The following FGF17 variants were observed in gnomAD, a reference collection of about 807,000 sequenced individuals.
FGF17 encodes the protein fibroblast growth factor 17.
FGF17 carries 5 observed loss-of-function variants against 23.5 expected under a neutral mutation model. The observed-to-expected ratio is 0.21, with a 90% CI of 0.11 to 0.45. The LOEUF is 0.45. FGF17 is among the 20% of genes least tolerant of loss of function. The probability of loss-of-function intolerance (pLI) is 0.99; values close to 1 mark genes in which losing one functional copy is unlikely to be tolerated. For synonymous variants in FGF17, 136 were observed against 123.0 expected (o/e 1.11, Z -0.70); for missense variants, 221 against 306.9 (o/e 0.72, Z 2.09).
intron 2 of FGF17, chr8:22,044,588 G>A: frequency 4.3e-6 from 3 of 696,704 alleles, no homozygotes; most frequent in Non-Finnish European, 5.3e-6. Context: ...GGGCCAGGAG[G>A]CGGGGCTGGG....
chr8:22,048,640 A>C lies in FGF17; in HGVS notation c.*391A>C. On this transcript the variant is annotated 3_prime_UTR_variant, in exon 5 of 5. Coordinates refer to ENST00000359441, the MANE Select transcript of FGF17 (RefSeq NM_003867.4). The surrounding 1 kb of genome is among the most constrained non-coding windows in gnomAD (Gnocchi z 6.9). ...CCCTCAGTCTGCCCCCAGCCCCCAA[A>C]CTCCTCCTGGCTAGACTGTAGGAAG... 4.2e-6 allele frequency: 1 copy of C among 237,754 alleles called. No homozygotes were observed. The highest frequency in any genetic ancestry group is 8.1e-6 in the Non-Finnish European group (1 of 123,462). 14.7% of individuals were successfully genotyped at this position (237,754 alleles called of 1,614,324 possible). A position where few individuals can be genotyped will look rare whatever the true frequency, so the allele number is the denominator to read the frequency against.
chr8:22,041,574 A>G (rs758340630), upstream of FGF17, among the ~76,000 whole-genome samples: 27 of 152,106 alleles, frequency 1.8e-4, no homozygotes, highest in Admixed American at 8.5e-4. Flanking sequence ...AGGGAACAGC[A>G]TGGAGCTCTC....
chr8:22,045,814 A>C, intron 2 of FGF17: 3 of 1,320,982 alleles, frequency 2.3e-6, no homozygotes, highest in Non-Finnish European at 2.9e-6. Context: ...CGAGGACGGG[A>C]TAGAACCCTG....
At chr8:22,043,880 G>A (rs917881100) in intron 2 of FGF17, among the ~76,000 whole-genome samples, 1 of 152,132 alleles carries the variant, frequency 6.6e-6, no homozygotes, top group Non-Finnish European at 1.5e-5. Flanking sequence ...AACCGCTCTG[G>A]GGAGAGATCG....
At chr8:22,044,590 G>A (rs577266458) in intron 2 of FGF17, 248 of 725,182 alleles carry the variant, frequency 3.4e-4, no homozygotes, top group Non-Finnish European at 3.9e-4. Context: ...GCCAGGAGGC[G>A]GGGCTGGGAT....
intron 2 of FGF17, among the ~76,000 whole-genome samples, 173 bp downstream of exon 2, chr8:22,043,354 G>C (rs1306467093): frequency 1.3e-5 from 2 of 152,138 alleles, no homozygotes; most frequent in African/African-American, 4.8e-5. Flanking sequence ...GGGCAGGGAA[G>C]GGGGCTGACT....
Position 22,045,508 on chromosome 8 carries a change from C to T in FGF17, c.73-606C>T, listed in dbSNP as rs1192039331. ...GCCGGGAAGAAGATGGGTATGAGCT[C>T]AGGATTCCACAGTTAGTGCTTCAAA... On this transcript the variant is annotated intron_variant, in intron 2 of 4. Coordinates refer to ENST00000359441, the MANE Select transcript of FGF17 (RefSeq NM_003867.4). 5 of 991,794 alleles carry T rather than the reference C, an allele frequency of 5.0e-6. No homozygotes were observed. The East Asian group carries it at 5.6e-4, about 111-fold the overall frequency. The allele number at this position is 991,794 out of a possible 1,614,324, so 61.4% of individuals were successfully genotyped here.
At chr8:22,042,624 GT>G (rs1007345634), upstream of FGF17, 6 of 579,804 alleles carry the variant, frequency 1.0e-5, no homozygotes, top group African/African-American at 7.5e-5. Context: ...CCTGCACTGG[GT>G]GGCCCAGGAG....
rs771965402 is a variant in FGF17, at chr8:22,046,115, G to A, written c.74G>A (p.Gly25Glu). Residue 25 changes from glycine to glutamate, a missense_variant and splice_region_variant, in exon 3 of 5, where the codon GGG becomes GAG. Gly to Glu is a moderately conservative substitution (Grantham distance 98). This residue lies in a region of FGF17 where 35 missense variants were observed against 35.5 expected (regional missense o/e 0.99). Coordinates refer to ENST00000359441, the MANE Select transcript of FGF17 (RefSeq NM_003867.4). The stretch of plus-strand genomic sequence containing the variant: ...ATTTTTCCCTTGGTAACCGCAAAGG[G>A]GGAGAATCACCCGTCTCCTAATTTT... Reference protein sequence around the residue: ...QLLILCCQTQGENHPSPNFNQ... With the variant: ...QLLILCCQTQEENHPSPNFNQ... 1 of 1,614,142 alleles carries A rather than the reference G, an allele frequency of 6.2e-7. No individual in the cohort carries two copies. The highest frequency in any genetic ancestry group is 8.5e-7 in the Non-Finnish European group (1 of 1,180,040).
At chr8:22,045,058 C>T (rs1300898910) in intron 2 of FGF17, 1 of 985,442 alleles carries the variant, frequency 1.0e-6, no homozygotes, top group African/African-American at 1.7e-5. Flanking sequence ...TGCCAGGAGC[C>T]AGGAAACCTA....
chr8:22,043,775 A>T (rs1800789570), intron 2 of FGF17, among the ~76,000 whole-genome samples: 1 of 43,928 alleles, frequency 2.3e-5, no homozygotes, highest in African/African-American at 9.1e-5. Flanking sequence ...CTCCATGCAC[A>T]CCTCCCACCC....
At chr8:22,043,291 C>T in intron 2 of FGF17, 110 bp downstream of exon 2, 2 of 1,119,568 alleles carry the variant, frequency 1.8e-6, no homozygotes, top group East Asian at 2.5e-5. Flanking sequence ...TCTGGCCTCT[C>T]CCTGGGTCCA....
chr8:22,043,346 G>C (rs986957591), intron 2 of FGF17, among the ~76,000 whole-genome samples, 165 bp downstream of exon 2: 4 of 152,146 alleles, frequency 2.6e-5, no homozygotes, highest in Non-Finnish European at 5.9e-5. Context: ...GACCGGGTGG[G>C]CAGGGAAGGG....
At chr8:22,046,488 C>T in intron 3 of FGF17, 39 bp from the exon 4 acceptor site, 1 of 1,550,970 alleles carries the variant, frequency 6.4e-7, no homozygotes, top group Non-Finnish European at 8.9e-7. Context: ...GGCCGGCAGC[C>T]CCGATGGACG....
chr8:22,044,596 G>A (rs1483454426), intron 2 of FGF17: 8 of 777,020 alleles, frequency 1.0e-5, no homozygotes, highest in Non-Finnish European at 1.1e-5. Context: ...AGGCGGGGCT[G>A]GGATAGGCAG....
intron 2 of FGF17, chr8:22,044,446 G>A (rs1800813366): frequency 6.6e-6 from 1 of 152,086 alleles, no homozygotes; most frequent in South Asian, 2.1e-4. Flanking sequence ...GGGGGGGCGT[G>A]GGGCTGCTTT....
At position 22,048,262 on chromosome 8, in the gene FGF17, G is replaced by A. The variant is rs754981282; in HGVS notation, c.*13G>A. On this transcript the variant is annotated 3_prime_UTR_variant, in exon 5 of 5. Coordinates refer to ENST00000359441, the MANE Select transcript of FGF17 (RefSeq NM_003867.4). The surrounding 1 kb of genome is among the most constrained non-coding windows in gnomAD (Gnocchi z 6.9). ...GCCCCTCACGTAGTCTGGGAGGCAG[G>A]GGGCAGCAGCCCCTGGGCCGCCTCC... is the stretch of plus-strand genomic sequence containing the variant. 4.4e-6 allele frequency: 7 copies of A among 1,579,408 alleles called. No homozygotes were observed. Among genetic ancestry groups the A allele is most frequent in the Non-Finnish European group, 6.0e-6 (7 of 1,161,354 alleles).
chr8:22,047,165 C>CT (rs1379088903), intron 4 of FGF17, among the ~76,000 whole-genome samples: 1 of 152,120 alleles, frequency 6.6e-6, no homozygotes, highest in Non-Finnish European at 1.5e-5. Flanking sequence ...ATCTGTGGGG[C>CT]TGATGTCAGG....
In FGF17 at chr8:22,045,377, C is replaced by G. The variant is rs1002972859; in HGVS notation, c.73-737C>G. On this transcript the variant is annotated intron_variant, in intron 2 of 4. Coordinates refer to ENST00000359441, the MANE Select transcript of FGF17 (RefSeq NM_003867.4). ...TCTGCCTCCCTCCGCTAAGGAGGCA[C>G]CTTGCCTGCCTGCTGTCCCATAGTG... 8.1e-6 allele frequency: 8 copies of G among 988,176 alleles called. No homozygotes were observed. The African/African-American group carries it at 1.4e-4, about 17-fold the overall frequency. 61.2% of individuals were successfully genotyped at this position (988,176 alleles called of 1,614,324 possible). A position where few individuals can be genotyped will look rare whatever the true frequency, so the allele number is the denominator to read the frequency against.
Sources: gnomAD v4.1 joint callset for allele counts (sites outside exome capture counted in the v4.1 genomes callset) on GRCh38, gnomAD v4.1.1 for gene constraint, gnomAD v4.1.1 regional missense constraint, Gnocchi (gnomAD v3.1) non-coding constraint, MANE v1.5 for transcripts, NCBI Gene and HGNC (gene_info 2026-07-23, HGNC 2026-07-21) for gene names.